The following CAD variants were observed in gnomAD, a reference collection of about 807,000 sequenced individuals.
CAD encodes the protein carbamoyl-phosphate synthetase 2, aspartate transcarbamylase, and dihydroorotase, also known as multifunctional protein CAD.
A neutral mutation model predicts 237.2 loss-of-function variants in CAD; 81 were observed. That is an observed-to-expected ratio of 0.34 (90% CI 0.29 to 0.41). The LOEUF (loss-of-function observed/expected upper bound fraction) is 0.41, where lower values mean the gene tolerates loss of function less well. Among genes scored for constraint, CAD ranks in the 10% least tolerant of loss-of-function variants. The pLI is 1.00. For missense variants in CAD, 2,181 were observed against 2,951.7 expected (o/e 0.74, Z 6.05); for synonymous variants, 1,196 against 1,162.8 (o/e 1.03, Z -0.58).
rs1261456482 is a variant in CAD at position 27,237,686 on chromosome 2, C to G, written c.4564-32C>G. The G allele has an allele frequency of 1.3e-6, 2 of 1,596,744 alleles. No individual in the cohort carries two copies. The highest frequency in any genetic ancestry group is 1.7e-4 in the Middle Eastern group (1 of 5,894). Reference sequence around the variant, plus strand: ...GGCTAGCCTGTGTGGGCATGGGTGCCAGTGAGCCTTACCTCTGTGTATCCT... The same window carrying G: ...GGCTAGCCTGTGTGGGCATGGGTGCGAGTGAGCCTTACCTCTGTGTATCCT... On this transcript the variant is annotated intron_variant, in intron 28 of 43. Transcript: ENST00000264705. This position sits in a 1 kb window ranked among gnomAD's most constrained non-coding sequence, Gnocchi z 4.0.
Position 27,239,875 on chromosome 2 carries a change from G to C in CAD, c.5496+77G>C. Reference sequence around the variant, plus strand: ...ATGAACAGCTTGAACATTTTCATTGGTGGTTCAGGAACAATTGGGGTTTTC... The same window carrying C: ...ATGAACAGCTTGAACATTTTCATTGCTGGTTCAGGAACAATTGGGGTTTTC... On this transcript the variant is annotated intron_variant, in intron 34 of 43. Coordinates refer to ENST00000264705, the MANE Select transcript of CAD (RefSeq NM_004341.5). This position sits in a 1 kb window ranked among gnomAD's most constrained non-coding sequence, Gnocchi z 4.0. The C allele has an allele frequency of 1.9e-6, 2 of 1,066,642 alleles. No individual in the cohort carries two copies. Among genetic ancestry groups the C allele is most frequent in the South Asian group, 1.7e-5 (1 of 59,140 alleles). The allele number at this position is 1,066,642 out of a possible 1,614,324, so 66.1% of individuals were successfully genotyped here. A position where few individuals can be genotyped will look rare whatever the true frequency, so the allele number is the denominator to read the frequency against.
chr2:27,234,391 G>C, intron 22 of CAD, 127 bp from the exon 23 acceptor site: 2 of 1,141,536 alleles, frequency 1.8e-6, no homozygotes, highest in Non-Finnish European at 1.3e-6. Flanking sequence ...GCTTATGACA[G>C]TCAGTGACCC....
intron 22 of CAD, 80 bp from the exon 23 acceptor site, chr2:27,234,438 C>T (rs1350702308): frequency 1.4e-5 from 19 of 1,404,428 alleles, no homozygotes; most frequent in East Asian, 9.1e-5. Context: ...GAGCTGAGGA[C>T]GGAGAGGAAG....
Position 27,242,954 on chromosome 2 carries a change from C to G in CAD, c.6461C>G (p.Ser2154Cys), listed in dbSNP as rs1676392900. The G allele has an allele frequency of 1.2e-6, 2 of 1,605,240 alleles. No homozygotes were observed. Among genetic ancestry groups the G allele is most frequent in the South Asian group, 1.1e-5 (1 of 90,472 alleles). ...MTRIQKERFG[S>C]TQEYEACFGQ... ...CGAATCCAGAAGGAACGATTTGGCT[C>G]TACCCAGGAGTACGAAGCTGTGAGT... Residue 2154 changes from serine to cysteine, a missense_variant, in exon 42 of 44, where the codon TCT (serine) becomes TGT (cysteine). Coordinates refer to ENST00000264705, the MANE Select transcript of CAD (RefSeq NM_004341.5). The surrounding 1 kb of genome is among the most constrained non-coding windows in gnomAD (Gnocchi z 6.4).
chr2:27,236,953 C>A lies in CAD; in HGVS notation c.4396+123C>A. The A allele has an allele frequency of 1.3e-6, 1 of 798,930 alleles. No homozygotes were observed. Among genetic ancestry groups the A allele is most frequent in the Non-Finnish European group, 2.2e-6 (1 of 454,628 alleles). The allele number at this position is 798,930 out of a possible 1,614,324, so 49.5% of individuals were successfully genotyped here. ...CCTGGACTGCACAGACTGTGAAGACCCCAGAATGTTTCTCACTCTTTCATT... is the reference window on the plus strand; with the variant it reads ...CCTGGACTGCACAGACTGTGAAGACACCAGAATGTTTCTCACTCTTTCATT... On this transcript the variant is annotated intron_variant, in intron 27 of 43. Transcript: ENST00000264705. This position sits in a 1 kb window ranked among gnomAD's most constrained non-coding sequence, Gnocchi z 4.1.
intron 22 of CAD, 53 bp from the exon 23 acceptor site, chr2:27,234,465 T>C (rs1483110477): frequency 6.5e-7 from 1 of 1,549,940 alleles, no homozygotes; most frequent in Non-Finnish European, 8.9e-7. Context: ...GGCCTATAGA[T>C]AGTGTCAGCA....
In CAD at chr2:27,236,015, T is replaced by C; in HGVS notation, c.4075-269T>C. 3.7e-6 allele frequency: 2 copies of C among 539,358 alleles called. No individual in the cohort carries two copies. The highest frequency in any genetic ancestry group is 3.3e-6 in the Non-Finnish European group (1 of 304,682). The allele number at this position is 539,358 out of a possible 1,614,324, so 33.4% of individuals were successfully genotyped here. A position where few individuals can be genotyped will look rare whatever the true frequency, so the allele number is the denominator to read the frequency against. On this transcript the variant is annotated intron_variant, in intron 25 of 43. Coordinates refer to ENST00000264705, the MANE Select transcript of CAD (RefSeq NM_004341.5). The surrounding 1 kb of genome is among the most constrained non-coding windows in gnomAD (Gnocchi z 4.1). ...TCTTAAAATCTCTGTACCACTGTTC[T>C]GATATTTTTCCTTCCAGGATTTTCT...
chr2:27,217,580 C>T lies in CAD; in HGVS notation c.29C>T (p.Ser10Leu). Residue 10 changes from serine (S) to leucine (L), a missense_variant, in exon 1 of 44, where the codon TCG (serine) becomes TTG (leucine). Physicochemically the swap from Ser to Leu is moderately radical, Grantham distance 145 (BLOSUM62 -2). Around this residue, in one of 12 missense-constraint regions of CAD, gnomAD observed 314 missense variants for 339.4 expected, o/e 0.93. Transcript: ENST00000264705. ...GCGGCCCTAGTGTTGGAGGACGGGTCGGTCCTGCGGGGCCAGCCCTTTGGG... is the reference window on the plus strand; with the variant it reads ...GCGGCCCTAGTGTTGGAGGACGGGTTGGTCCTGCGGGGCCAGCCCTTTGGG... MAALVLEDG[S>L]VLRGQPFGAA... The T allele has an allele frequency of 1.2e-6, 2 of 1,608,276 alleles. No individual in the cohort carries two copies. The highest frequency in any genetic ancestry group is 1.7e-6 in the Non-Finnish European group (2 of 1,177,894).
rs554153691 is a variant in CAD at position 27,240,513 on chromosome 2, C to T, written c.5593+152C>T. The T allele has an allele frequency of 1.7e-4, 254 of 1,528,528 alleles. 1 individual carries two copies. The highest frequency in any genetic ancestry group is 2.1e-4 in the Non-Finnish European group (233 of 1,125,108). 94.7% of individuals were successfully genotyped at this position (1,528,528 alleles called of 1,614,324 possible). A position where few individuals can be genotyped will look rare whatever the true frequency, so the allele number is the denominator to read the frequency against. On this transcript the variant is annotated intron_variant, in intron 35 of 43. Transcript: ENST00000264705. This position sits in a 1 kb window ranked among gnomAD's most constrained non-coding sequence, Gnocchi z 4.6. ...CATCCTTTGCCTAAACAAGTCTCCC[C>T]GGTGTGAGTAGACATCTCACAGCTT...
At position 27,237,290 on chromosome 2, in the gene CAD, C is replaced by T; in HGVS notation, c.4397-89C>T. On this transcript the variant is annotated intron_variant, in intron 27 of 43. Transcript: ENST00000264705. This position sits in a 1 kb window ranked among gnomAD's most constrained non-coding sequence, Gnocchi z 4.0. ...CTGCCCACCTCGGCCTCCCAAAGTG[C>T]TAGGATTACAGGCGTGAGCCACCAT... 7.1e-7 allele frequency: 1 copy of T among 1,415,434 alleles called. No homozygotes were observed. The allele number at this position is 1,415,434 out of a possible 1,614,324, so 87.7% of individuals were successfully genotyped here. A position where few individuals can be genotyped will look rare whatever the true frequency, so the allele number is the denominator to read the frequency against.
At position 27,240,972 on chromosome 2, in the gene CAD, A is replaced by C; in HGVS notation, c.5638+17A>C. ...CCGAGCCAGGTGAGACTCCACCCTG[A>C]CACACACTCACCTCGGGGACCTCTG... is the stretch of plus-strand genomic sequence containing the variant. On this transcript the variant is annotated intron_variant, in intron 36 of 43. Coordinates refer to ENST00000264705, the MANE Select transcript of CAD (RefSeq NM_004341.5). The surrounding 1 kb of genome is among the most constrained non-coding windows in gnomAD (Gnocchi z 4.6). 1 of 1,614,070 alleles carries C rather than the reference A, an allele frequency of 6.2e-7. No individual in the cohort carries two copies. The highest frequency in any genetic ancestry group is 8.5e-7 in the Non-Finnish European group (1 of 1,179,986).
Position 27,241,013 on chromosome 2 carries a change from G to A in CAD, c.5639-45G>A, listed in dbSNP as rs754912783. 4.3e-6 allele frequency: 7 copies of A among 1,613,984 alleles called. No individual in the cohort carries two copies. The South Asian group carries it at 7.7e-5, about 18-fold the overall frequency. ...GGGACCTCTGATCTGGCCTTGGTAG[G>A]AGGAACCCTCTGACCAGCCTTTTCT... On this transcript the variant is annotated intron_variant, in intron 36 of 43. Transcript: ENST00000264705. This position sits in a 1 kb window ranked among gnomAD's most constrained non-coding sequence, Gnocchi z 4.6.
At chr2:27,227,876 C>G (rs1675515919) in intron 15 of CAD, among the ~76,000 whole-genome samples, 1 of 152,206 alleles carries the variant, frequency 6.6e-6, no homozygotes, top group South Asian at 2.1e-4. Context: ...GTAATCTTGC[C>G]TTACAGAGAT....
Position 27,239,949 on chromosome 2 carries a change from T to C in CAD, c.5496+151T>C, listed in dbSNP as rs868381524. 2 of 636,024 alleles carry C rather than the reference T, an allele frequency of 3.1e-6. No homozygotes were observed. The highest frequency in any genetic ancestry group is 5.6e-4 in the Middle Eastern group (2 of 3,584). 39.4% of individuals were successfully genotyped at this position (636,024 alleles called of 1,614,324 possible). On this transcript the variant is annotated intron_variant, in intron 34 of 43. Coordinates refer to ENST00000264705, the MANE Select transcript of CAD (RefSeq NM_004341.5). This position sits in a 1 kb window ranked among gnomAD's most constrained non-coding sequence, Gnocchi z 4.0. Reference sequence around the variant, plus strand: ...GGTTGGGTCAATTATTTTTTTAAAATGCTGGGCCAGGCCAGATGTGGTGGC... The same window carrying C: ...GGTTGGGTCAATTATTTTTTTAAAACGCTGGGCCAGGCCAGATGTGGTGGC...
In CAD at chr2:27,232,038, G is replaced by A; in HGVS notation, c.2459G>A (p.Gly820Asp). The change falls in exon 17 of 44, where the codon GGT becomes GAT. Residue 820 changes from glycine to aspartate, a missense_variant. Physicochemically the swap from Gly to Asp is moderately conservative, Grantham distance 94. Coordinates refer to ENST00000264705, the MANE Select transcript of CAD (RefSeq NM_004341.5). The surrounding 1 kb of genome is among the most constrained non-coding windows in gnomAD (Gnocchi z 4.1). ...GTGGTGGCAGCTGCTTTGTGGGCTG[G>A]TTATTCAGTGGACCGCCTGTATGAG... ...IFVVAAALWAGYSVDRLYELT... is the reference protein window; with the variant it reads ...IFVVAAALWADYSVDRLYELT... The A allele has an allele frequency of 1.2e-6, 2 of 1,614,244 alleles. No homozygotes were observed. Among genetic ancestry groups the A allele is most frequent in the East Asian group, 2.2e-5 (1 of 44,888 alleles).
chr2:27,241,366 G>A lies in CAD; in HGVS notation c.5853G>A (p.Val1951=), dbSNP rs1405660084. Residue 1951 remains valine (V), a synonymous_variant, in exon 38 of 44, where the codon GTG becomes GTA. Transcript: ENST00000264705. The surrounding 1 kb of genome is among the most constrained non-coding windows in gnomAD (Gnocchi z 4.6). Reference sequence around the variant, plus strand: ...TGGCACACACACTGCGTATGATGGTGCAGAAGGAGCGGAGCCTCGACATCC... The same window carrying A: ...TGGCACACACACTGCGTATGATGGTACAGAAGGAGCGGAGCCTCGACATCC... ...FNVAHTLRMM[V]QKERSLDILK... 1 of 1,614,230 alleles carries A rather than the reference G, an allele frequency of 6.2e-7. No homozygotes were observed. Among genetic ancestry groups the A allele is most frequent in the East Asian group, 2.2e-5 (1 of 44,880 alleles).
rs1368964042 is a variant in CAD, at chr2:27,243,481, G to T, written c.6641G>T (p.Arg2214Leu). ...CAGGCTGAGAACGGCATGTACATCC[G>T]CATGGCTCTGTTAGCCACCGTGCTG... The part of the protein sequence containing the change: ...FRQAENGMYI[R>L]MALLATVLGR... Residue 2214 changes from arginine to leucine, a missense_variant, in exon 44 of 44, where the codon CGC (arginine) becomes CTC (leucine). By Grantham distance (102) the Arg-to-Leu change is moderately radical. Around this residue, in one of 12 missense-constraint regions of CAD, gnomAD observed 170 missense variants for 212.1 expected, o/e 0.80. Transcript: ENST00000264705. The T allele has an allele frequency of 2.5e-6, 4 of 1,589,492 alleles. No homozygotes were observed. Among genetic ancestry groups the T allele is most frequent in the Non-Finnish European group, 3.4e-6 (4 of 1,171,084 alleles).
intron 2 of CAD, among the ~76,000 whole-genome samples, chr2:27,220,851 G>A (rs916134173): frequency 6.6e-6 from 1 of 152,002 alleles, no homozygotes; most frequent in East Asian, 1.9e-4. Flanking sequence ...CCAGCTACTC[G>A]GGAGGCTAAA....
chr2:27,224,940 G>C, intron 10 of CAD, 64 bp downstream of exon 10: 1 of 1,610,546 alleles, frequency 6.2e-7, no homozygotes. Context: ...GGTCACTGTG[G>C]GTTATTAAAC....
Sources: allele counts gnomAD v4.1 joint callset (sites outside exome capture counted in the v4.1 genomes callset), GRCh38; gene constraint gnomAD v4.1.1; regional missense constraint gnomAD v4.1.1; non-coding constraint Gnocchi (gnomAD v3.1); transcripts MANE v1.5; gene names NCBI Gene and HGNC (gene_info 2026-07-23, HGNC 2026-07-21).